The following MAGI2 variants were observed in gnomAD, a reference collection of about 807,000 sequenced individuals.
MAGI2 encodes the protein membrane associated guanylate kinase, WW and PDZ domain containing 2.
In MAGI2, 35 loss-of-function variants were observed where a neutral mutation model predicts 133.3. The ratio of observed to expected loss-of-function variants is 0.26; its 90% CI spans 0.20 to 0.35. MAGI2 has a LOEUF of 0.35. MAGI2 is among the 10% of genes least tolerant of loss of function. The pLI is 1.00. For missense variants in MAGI2, 1,636 were observed against 1,863.4 expected (o/e 0.88, Z 2.25); for synonymous variants, 729 against 710.6 (o/e 1.03, Z -0.41).
chr7:78,314,993 C>G (rs1363714671), intron 9 of MAGI2, among the ~76,000 whole-genome samples: 4 of 152,080 alleles, frequency 2.6e-5, no homozygotes, highest in Admixed American at 2.6e-4. Context: ...ATAGAAAGGT[C>G]ACAGTTTTAT....
chr7:78,862,850 T>C (rs1053721465), intron 2 of MAGI2, among the ~76,000 whole-genome samples: 3 of 152,190 alleles, frequency 2.0e-5, no homozygotes, highest in African/African-American at 7.2e-5. Context: ...TGGCAATACT[T>C]TACTAGAAGA....
chr7:78,580,463 T>C (rs2150807528), intron 3 of MAGI2, among the ~76,000 whole-genome samples: 1 of 151,344 alleles, frequency 6.6e-6, no homozygotes, highest in East Asian at 2.0e-4. Flanking sequence ...TGTTGATGTG[T>C]ATTGTACAAT....
chr7:78,298,620 C>T (rs960627705), intron 9 of MAGI2, among the ~76,000 whole-genome samples: 5 of 152,094 alleles, frequency 3.3e-5, no homozygotes, highest in Admixed American at 6.6e-5. Context: ...TCTTGTGCCT[C>T]AGCCTCCCGA....
At chr7:79,171,034 A>G (rs1286438164) in intron 1 of MAGI2, among the ~76,000 whole-genome samples, 1 of 152,132 alleles carries the variant, frequency 6.6e-6, no homozygotes, top group Non-Finnish European at 1.5e-5. Context: ...GTTTTTAAAG[A>G]GTAAAGTCAG....
intron 2 of MAGI2, among the ~76,000 whole-genome samples, chr7:78,804,003 T>G (rs1788301297): frequency 6.6e-6 from 1 of 152,258 alleles, no homozygotes; most frequent in African/African-American, 2.4e-5. Flanking sequence ...GTATAAATTA[T>G]GCTCTTGCAT....
At chr7:78,608,742 A>C (rs1399329656) in intron 3 of MAGI2, among the ~76,000 whole-genome samples, 3 of 152,126 alleles carry the variant, frequency 2.0e-5, no homozygotes, top group African/African-American at 4.8e-5. Context: ...AAATTTCAGG[A>C]AAGTTGTTCT....
intron 10 of MAGI2, among the ~76,000 whole-genome samples, chr7:78,238,999 G>A (rs1790850573): frequency 6.6e-6 from 1 of 151,978 alleles, no homozygotes; most frequent in South Asian, 2.1e-4. Flanking sequence ...TCTGCATCAA[G>A]CACAGCCCTG....
At chr7:78,070,522 A>G (rs10270980) in intron 21 of MAGI2, among the ~76,000 whole-genome samples, 2 of 129,318 alleles carry the variant, frequency 1.5e-5, no homozygotes, top group African/African-American at 5.5e-5. Context: ...GTGTGTATAT[A>G]TGTATATATG....
chr7:79,406,142 CG>C (rs1845793025), intron 1 of MAGI2, among the ~76,000 whole-genome samples: 1 of 151,684 alleles, frequency 6.6e-6, no homozygotes, highest in South Asian at 2.1e-4. Flanking sequence ...GGAAGTTTTC[CG>C]GGTTGATAGG....
chr7:78,926,619 C>T (rs991614974), intron 2 of MAGI2, among the ~76,000 whole-genome samples: 6 of 151,948 alleles, frequency 3.9e-5, no homozygotes, highest in Admixed American at 6.6e-5. Flanking sequence ...AAAAACACTT[C>T]ACATAAATTG....
At chr7:78,373,388 C>G (rs916615891) in intron 6 of MAGI2, among the ~76,000 whole-genome samples, 1 of 152,066 alleles carries the variant, frequency 6.6e-6, no homozygotes, top group African/African-American at 2.4e-5. Flanking sequence ...ATCGTTTATA[C>G]GGATGTTAAT....
intron 6 of MAGI2, among the ~76,000 whole-genome samples, chr7:78,437,667 C>T (rs980114892): frequency 6.6e-5 from 10 of 152,172 alleles, no homozygotes; most frequent in Middle Eastern, 3.4e-3. Flanking sequence ...TCCTATAAGA[C>T]GTGACTAGAG....
At chr7:78,987,528 A>T (rs1683765089) in intron 2 of MAGI2, among the ~76,000 whole-genome samples, 1 of 152,038 alleles carries the variant, frequency 6.6e-6, no homozygotes, top group African/African-American at 2.4e-5. Flanking sequence ...TCCATAATGC[A>T]CCAACATTTC....
At chr7:78,953,851 T>C (rs1802068016) in intron 2 of MAGI2, among the ~76,000 whole-genome samples, 1 of 152,174 alleles carries the variant, frequency 6.6e-6, no homozygotes, top group Admixed American at 6.6e-5. Flanking sequence ...TCTAACTTGC[T>C]ACATTTTTCA....
chr7:78,718,791 C>T (rs1075221), intron 2 of MAGI2, among the ~76,000 whole-genome samples: 64,977 of 151,864 alleles, frequency 0.43, 14,319 homozygotes, highest in Middle Eastern at 0.48. Context: ...AACCCCTGTC[C>T]GTGGAAAAAT....
chr7:79,191,762 T>C (rs1376294345), intron 1 of MAGI2, among the ~76,000 whole-genome samples: 1 of 151,794 alleles, frequency 6.6e-6, no homozygotes, highest in Admixed American at 6.6e-5. Context: ...TTACATTGCT[T>C]TAAAATAATC....
At chr7:79,063,264 C>T (rs1813949934) in intron 1 of MAGI2, among the ~76,000 whole-genome samples, 1 of 152,050 alleles carries the variant, frequency 6.6e-6, no homozygotes, top group African/African-American at 2.4e-5. Flanking sequence ...ATTCCAGTTG[C>T]CTCATATTAT....
At position 79,148,848 on chromosome 7, in the gene MAGI2, T is replaced by TTA. The variant is rs1279972479; in HGVS notation, c.302-141644_302-141643dup. ...ATATATATACACATATATGTATGTT[T>TTA]TATATATATATATGTATGTTTTATA... On this transcript the variant is annotated intron_variant, in intron 1 of 21. Coordinates refer to ENST00000354212, the MANE Select transcript of MAGI2 (RefSeq NM_012301.4). Among the ~76,000 whole-genome samples, 404 of 142,836 alleles carry TTA rather than the reference T, an allele frequency of 2.8e-3. 1 individual carries two copies. Among genetic ancestry groups the TTA allele is most frequent in the African/African-American group, 0.01 (376 of 36,194 alleles). The allele number at this position is 142,836 out of a possible 152,430, so 93.7% of individuals were successfully genotyped here.
chr7:78,797,231 T>A (rs1382415751), intron 2 of MAGI2, among the ~76,000 whole-genome samples: 1 of 152,114 alleles, frequency 6.6e-6, no homozygotes, highest in African/African-American at 2.4e-5. Flanking sequence ...TGTATCAAAA[T>A]ATCATATGTA....
Sources: gnomAD v4.1 joint callset for allele counts (sites outside exome capture counted in the v4.1 genomes callset) on GRCh38, gnomAD v4.1.1 for gene constraint, MANE v1.5 for transcripts, NCBI Gene and HGNC (gene_info 2026-07-23, HGNC 2026-07-21) for gene names.